TTC39C: variants seen among roughly 807,000 people sequenced by gnomAD.
The protein encoded by TTC39C is tetratricopeptide repeat protein 39C.
A neutral mutation model predicts 76.3 loss-of-function variants in TTC39C; 33 were observed. The ratio of observed to expected loss-of-function variants is 0.43; its 90% CI spans 0.33 to 0.58. The LOEUF (loss-of-function observed/expected upper bound fraction) is 0.58. Ranked by LOEUF, TTC39C falls within the 20% of genes least tolerant of loss-of-function variation. TTC39C has a pLI of 0.04. For synonymous variants in TTC39C, 254 were observed against 260.6 expected (o/e 0.97, Z 0.24); for missense variants, 595 against 701.4 (o/e 0.85, Z 1.71).
At position 24,124,594 on chromosome 18, in the gene TTC39C, A is replaced by T. The variant is rs116452206; in HGVS notation, c.1296+651A>T. ...CAATGTTGCCGTATTACCTTGAGTT[A>T]TGTAGTGTCTTATATCCTGAATTAT... On this transcript the variant is annotated intron_variant, in intron 9 of 13. Coordinates refer to ENST00000317571, the MANE Select transcript of TTC39C (RefSeq NM_001135993.2). 3.9e-3 allele frequency among the ~76,000 whole-genome samples: 601 copies of T among 152,316 alleles called. 4 individuals are homozygous for T. The highest frequency in any genetic ancestry group is 0.014 in the African/African-American group (585 of 41,554).
intron 8 of TTC39C, among the ~76,000 whole-genome samples, chr18:24,122,207 T>C (rs888882145): frequency 7.2e-5 from 11 of 151,964 alleles, no homozygotes; most frequent in African/African-American, 2.4e-4. Context: ...AACCTACTTT[T>C]AGGGGTGCTC....
chr18:24,098,659 G>C (rs913395435), intron 6 of TTC39C, among the ~76,000 whole-genome samples: 1 of 149,478 alleles, frequency 6.7e-6, no homozygotes, highest in South Asian at 2.2e-4. Context: ...TTTAGATGGA[G>C]TCTCGCTCTA....
chr18:24,118,177 G>C lies in TTC39C; in HGVS notation c.1131G>C (p.Glu377Asp). ...LNFKDAFDSF[E>D]RLKNESRWSQ... The stretch of plus-strand genomic sequence containing the variant: ...TCAAGGATGCATTTGATTCCTTTGA[G>C]AGGCTAAAAAATGAGTCCAGGTGGT... The change falls in exon 8 of 14, where the codon GAG becomes GAC. Residue 377 changes from glutamate (E) to aspartate (D), a missense_variant. Physicochemically the swap from Glu to Asp is conservative, Grantham distance 45. Transcript: ENST00000317571. 2 of 1,614,012 alleles carry C rather than the reference G, an allele frequency of 1.2e-6. No individual in the cohort carries two copies. Among genetic ancestry groups the C allele is most frequent in the Non-Finnish European group, 1.7e-6 (2 of 1,179,966 alleles).
chr18:24,111,213 A>C (rs1215936185), intron 6 of TTC39C, among the ~76,000 whole-genome samples: 2 of 151,932 alleles, frequency 1.3e-5, no homozygotes, highest in Admixed American at 6.6e-5. Context: ...GCTGGTGTCG[A>C]TCTCCTGACC....
At chr18:24,009,795 C>T (rs1041512017), upstream of TTC39C, among the ~76,000 whole-genome samples, 4 of 152,222 alleles carry the variant, frequency 2.6e-5, no homozygotes, top group African/African-American at 9.6e-5. Context: ...AAACACCTGC[C>T]TAAACCATTA....
At chr18:24,106,628 TG>T (rs2084748045) in intron 6 of TTC39C, among the ~76,000 whole-genome samples, 1 of 151,984 alleles carries the variant, frequency 6.6e-6, no homozygotes, top group South Asian at 2.1e-4. Flanking sequence ...CAGAGACCCA[TG>T]GGGATGAGGG....
At chr18:24,043,149 A>G (rs2083818886) in intron 1 of TTC39C, among the ~76,000 whole-genome samples, 1 of 152,226 alleles carries the variant, frequency 6.6e-6, no homozygotes, top group African/African-American at 2.4e-5. Flanking sequence ...TCGTAGAAGT[A>G]GCTTGAAAAT....
At chr18:23,998,137 G>C (rs1401895384) in intron 1 of TTC39C, among the ~76,000 whole-genome samples, 1 of 152,152 alleles carries the variant, frequency 6.6e-6, no homozygotes, top group Admixed American at 6.5e-5. Flanking sequence ...CAAGTTAGAG[G>C]TTATTATATT....
intron 1 of TTC39C, among the ~76,000 whole-genome samples, chr18:24,009,090 A>G (rs964065306): frequency 6.6e-6 from 1 of 152,212 alleles, no homozygotes; most frequent in Non-Finnish European, 1.5e-5. Context: ...ATAAAAAATA[A>G]CTATTGGTCA....
At chr18:24,019,377 A>G (rs1050820838) in intron 1 of TTC39C, among the ~76,000 whole-genome samples, 2 of 152,234 alleles carry the variant, frequency 1.3e-5, no homozygotes, top group Non-Finnish European at 2.9e-5. Context: ...AATAGGAAAC[A>G]TGTATCGTTA....
rs538062140 is a variant in TTC39C, at chr18:24,048,760, C to T, written c.168-15380C>T. 5.6e-4 allele frequency among the ~76,000 whole-genome samples: 85 copies of T among 152,158 alleles called. 1 individual carries two copies. The highest frequency in any genetic ancestry group is 2.0e-3 in the African/African-American group (82 of 41,510). On this transcript the variant is annotated intron_variant, in intron 1 of 13. Coordinates refer to ENST00000317571, the MANE Select transcript of TTC39C (RefSeq NM_001135993.2). ...GTAACGTTTTCATAGGAAGTAGCAG[C>T]GATTGCTGTTTTGAGGTTGTTTTTC...
At position 24,030,648 on chromosome 18, in the gene TTC39C, CT is replaced by C. The variant is rs1167104790; in HGVS notation, c.167+15631del. ...TCTCTCAACAGCCCCAAAGATAGGC[CT>C]TTTTTTTTTTTTTTTTTTTTGAGAT... is the stretch of plus-strand genomic sequence containing the variant. On this transcript the variant is annotated intron_variant, in intron 1 of 13. Coordinates refer to ENST00000317571, the MANE Select transcript of TTC39C (RefSeq NM_001135993.2). Among the ~76,000 whole-genome samples, 794 of 89,008 alleles carry C rather than the reference CT, an allele frequency of 8.9e-3. 3 individuals carry two copies. Among genetic ancestry groups the C allele is most frequent in the African/African-American group, 0.029 (711 of 24,236 alleles). 58.4% of individuals were successfully genotyped at this position (89,008 alleles called of 152,430 possible).
chr18:24,130,182 A>G (rs1439075512), intron 11 of TTC39C, 131 bp from the exon 12 acceptor site: 3 of 456,496 alleles, frequency 6.6e-6, no homozygotes, highest in Non-Finnish European at 1.2e-5. Context: ...AATGAAGATG[A>G]GGAAAGAAGA....
intron 1 of TTC39C, among the ~76,000 whole-genome samples, chr18:24,046,028 T>C (rs2145702041): frequency 7.2e-6 from 1 of 138,192 alleles, no homozygotes; most frequent in Non-Finnish European, 1.5e-5. Context: ...AAGCTCCGCC[T>C]CCTGGGTTCA....
In TTC39C at chr18:24,122,932, A is replaced by G. The variant is rs185050652; in HGVS notation, c.1187-902A>G. Among the ~76,000 whole-genome samples the G allele has an allele frequency of 2.2e-4, 33 of 152,260 alleles. No homozygotes were observed. In the East Asian group the frequency reaches 6.2e-3, roughly 29 times the overall value. On this transcript the variant is annotated intron_variant, in intron 8 of 13. Transcript: ENST00000317571. ...CCTGACTACTCCTATCACTACATAC[A>G]TTGCAGCTTGTGGGACCCTATGTGC... is the stretch of plus-strand genomic sequence containing the variant.
rs140198467 is a variant in TTC39C at position 24,130,989 on chromosome 18, A to G, written c.1623+572A>G. Reference sequence around the variant, plus strand: ...ACTTGAGCCCAGAAGTTCAAAACCAACCTGGGCAACAAAGTGAAACCTCAT... The same window carrying G: ...ACTTGAGCCCAGAAGTTCAAAACCAGCCTGGGCAACAAAGTGAAACCTCAT... On this transcript the variant is annotated intron_variant, in intron 12 of 13. Coordinates refer to ENST00000317571, the MANE Select transcript of TTC39C (RefSeq NM_001135993.2). Among the ~76,000 whole-genome samples, 665 of 135,954 alleles carry G rather than the reference A, an allele frequency of 4.9e-3. 1 individual carries two copies. Among genetic ancestry groups the G allele is most frequent in the Non-Finnish European group, 8.2e-3 (520 of 63,464 alleles). 89.2% of individuals were successfully genotyped at this position (135,954 alleles called of 152,430 possible).
intron 6 of TTC39C, among the ~76,000 whole-genome samples, chr18:24,094,227 C>A (rs1003101820): frequency 6.6e-6 from 1 of 152,164 alleles, no homozygotes; most frequent in East Asian, 1.9e-4. Context: ...CATGTTTTGT[C>A]CTGCGATTGC....
At chr18:24,028,938 G>C (rs907218558) in intron 1 of TTC39C, among the ~76,000 whole-genome samples, 1 of 152,128 alleles carries the variant, frequency 6.6e-6, no homozygotes, top group Non-Finnish European at 1.5e-5. Context: ...GATCAGGCTA[G>C]TCTCGAACTC....
At chr18:24,060,000 C>A (rs557578434) in intron 1 of TTC39C, among the ~76,000 whole-genome samples, 3 of 151,764 alleles carry the variant, frequency 2.0e-5, no homozygotes, top group Non-Finnish European at 4.4e-5. Flanking sequence ...TCATTACCAT[C>A]CCCCCATGAT....
Sources: allele counts gnomAD v4.1 joint callset (sites outside exome capture counted in the v4.1 genomes callset), GRCh38; gene constraint gnomAD v4.1.1; transcripts MANE v1.5; gene names NCBI Gene and HGNC (gene_info 2026-07-23, HGNC 2026-07-21).